PRKD1: variants seen among roughly 807,000 people sequenced by gnomAD.
The protein encoded by PRKD1 is serine/threonine-protein kinase D1.
In PRKD1, 63 loss-of-function variants were observed where a neutral mutation model predicts 95.9. The ratio of observed to expected loss-of-function variants is 0.66; its 90% CI spans 0.54 to 0.81. The LOEUF (loss-of-function observed/expected upper bound fraction) is 0.81. Among genes scored for constraint, PRKD1 ranks in the 30% least tolerant of loss-of-function variants. PRKD1 has a pLI of 0.00. For missense variants in PRKD1, 1,048 were observed against 1,165.3 expected (o/e 0.90, Z 1.47); for synonymous variants, 425 against 423.1 (o/e 1.00, Z -0.05).
intron 1 of PRKD1, among the ~76,000 whole-genome samples, chr14:29,783,075 C>T (rs995270154): frequency 1.3e-5 from 2 of 152,170 alleles, no homozygotes; most frequent in African/African-American, 4.8e-5. Flanking sequence ...AGTCATCCTA[C>T]TGTGCTACTG....
At chr14:29,621,388 C>G (rs1879255492) in intron 13 of PRKD1, among the ~76,000 whole-genome samples, 1 of 151,860 alleles carries the variant, frequency 6.6e-6, no homozygotes, top group Non-Finnish European at 1.5e-5. Context: ...CTCTCCCTCT[C>G]TTTCTCTCTC....
rs547507142 is a variant in PRKD1, at chr14:29,828,617, TC to T, written c.264+98631del. ...ATTCTCTGTCTCTGAATGTACACAT[TC>T]ATAAAGAAATTCAACAGATAAAAGA... On this transcript the variant is annotated intron_variant, in intron 1 of 17. Transcript: ENST00000331968. 1.4e-4 allele frequency among the ~76,000 whole-genome samples: 21 copies of T among 152,264 alleles called. 1 individual carries two copies. The South Asian group carries it at 4.3e-3, about 32-fold the overall frequency.
At chr14:29,848,258 A>T (rs1261331084) in intron 1 of PRKD1, among the ~76,000 whole-genome samples, 1 of 152,054 alleles carries the variant, frequency 6.6e-6, no homozygotes, top group Non-Finnish European at 1.5e-5. Context: ...GATCAAAAAG[A>T]TGCAAAAGGT....
chr14:29,927,477 C>T lies in PRKD1; in HGVS notation c.36G>A (p.Pro12=), dbSNP rs554027103. The change falls in exon 1 of 18, where the codon CCG becomes CCA. Residue 12 remains proline (P), a synonymous_variant. Transcript: ENST00000331968. The part of the protein sequence containing the change: ...SAPPVLRPPS[P]LLPVAAAAAA... ...CAGCTGCCGCCGCCACGGGCAGCAGCGGACTGGGCGGCCGCAGGACCGGAG... is the reference window on the plus strand; with the variant it reads ...CAGCTGCCGCCGCCACGGGCAGCAGTGGACTGGGCGGCCGCAGGACCGGAG... 1.0e-4 allele frequency: 126 copies of T among 1,252,414 alleles called. 1 individual carries two copies. In the African/African-American group the frequency reaches 1.7e-3, roughly 17 times the overall value. 77.6% of individuals were successfully genotyped at this position (1,252,414 alleles called of 1,614,324 possible). A position where few individuals can be genotyped will look rare whatever the true frequency, so the allele number is the denominator to read the frequency against.
Position 29,666,181 on chromosome 14 carries a change from A to G in PRKD1, c.431T>C (p.Ile144Thr). 6.3e-7 allele frequency: 1 copy of G among 1,599,196 alleles called. No individual in the cohort carries two copies. Among genetic ancestry groups the G allele is most frequent in the Non-Finnish European group, 8.5e-7 (1 of 1,169,678 alleles). Residue 144 changes from isoleucine (I) to threonine (T), a missense_variant, in exon 3 of 18, where the codon ATT (isoleucine) becomes ACT (threonine). Ile to Thr is a moderately conservative substitution (Grantham distance 89). Around this residue, in one of 3 missense-constraint regions of PRKD1, gnomAD observed 275 missense variants for 248.6 expected, o/e 1.11. Transcript: ENST00000331968. ...ATGAACAAAGAGAGCGTGGGGACGA[A>G]TCTGAAAGTCTTCAAAGGTGGCGGA... ...SASATFEDFQ[I>T]RPHALFVHSY...
At chr14:29,606,449 T>C (rs1893707093) in intron 13 of PRKD1, among the ~76,000 whole-genome samples, 1 of 152,204 alleles carries the variant, frequency 6.6e-6, no homozygotes, top group Non-Finnish European at 1.5e-5. Flanking sequence ...TACAACCCCC[T>C]CAAAATCTAC....
At chr14:29,881,671 T>C (rs1005418849) in intron 1 of PRKD1, among the ~76,000 whole-genome samples, 2 of 152,192 alleles carry the variant, frequency 1.3e-5, no homozygotes, top group African/African-American at 2.4e-5. Context: ...AGGTTCCAGT[T>C]TGGGGACCTC....
chr14:29,834,648 T>C (rs1891542288), intron 1 of PRKD1, among the ~76,000 whole-genome samples: 1 of 152,128 alleles, frequency 6.6e-6, no homozygotes, highest in Non-Finnish European at 1.5e-5. Context: ...ATATTAGTGT[T>C]ATTGATCTTG....
Position 29,577,347 on chromosome 14 carries a change from CCCTGCTCG to C in PRKD1, c.2622_2629del (p.Glu875AlafsTer13). The C allele has an allele frequency of 6.2e-7, 1 of 1,613,778 alleles. No homozygotes were observed. Among genetic ancestry groups the C allele is most frequent in the Non-Finnish European group, 8.5e-7 (1 of 1,179,822 alleles). ...GATCAGGTGTGTGGGGTACTGCAGCCCCTGCTCGCCTGCATACTTCTCCCACCTCAGGT... is the reference window on the plus strand; with the variant it reads ...GATCAGGTGTGTGGGGTACTGCAGCCCCTGCATACTTCTCCCACCTCAGGT... On this transcript the variant is annotated frameshift_variant, in exon 18 of 18. Coordinates refer to ENST00000331968, the MANE Select transcript of PRKD1 (RefSeq NM_002742.3). LOFTEE classifies it high-confidence loss of function.
intron 2 of PRKD1, among the ~76,000 whole-genome samples, chr14:29,712,317 A>C (rs760677516): frequency 5.3e-5 from 8 of 152,086 alleles, no homozygotes; most frequent in Non-Finnish European, 1.2e-4. Flanking sequence ...TTCTCCACAC[A>C]GCTCTACATG....
intron 1 of PRKD1, among the ~76,000 whole-genome samples, chr14:29,742,688 G>A (rs1292806318): frequency 2.0e-5 from 3 of 152,120 alleles, no homozygotes; most frequent in African/African-American, 7.2e-5. Flanking sequence ...TGAGTATCAA[G>A]GTAAAATGTT....
At chr14:29,689,518 TTAG>T (rs745518966) in intron 2 of PRKD1, among the ~76,000 whole-genome samples, 1 of 152,140 alleles carries the variant, frequency 6.6e-6, no homozygotes, top group African/African-American at 2.4e-5. Context: ...TTTTACACTA[TTAG>T]TAGAAATATA....
chr14:29,750,739 T>C (rs1195467235), intron 1 of PRKD1, among the ~76,000 whole-genome samples: 1 of 152,100 alleles, frequency 6.6e-6, no homozygotes, highest in Non-Finnish European at 1.5e-5. Context: ...AAAATTCACA[T>C]AGACAGTGGT....
Position 29,776,874 on chromosome 14 carries a change from A to G in PRKD1, c.265-51200T>C, listed in dbSNP as rs187615301. ...CACCAAAGTTGAAATGAAGGAAAAA[A>G]TGTTAAGGGCAGCCAGAGAGAAAGG... On this transcript the variant is annotated intron_variant, in intron 1 of 17. Transcript: ENST00000331968. 7.1e-3 allele frequency among the ~76,000 whole-genome samples: 1,077 copies of G among 152,338 alleles called. 15 individuals are homozygous for G. The highest frequency in any genetic ancestry group is 0.024 in the African/African-American group (996 of 41,576).
At chr14:29,730,969 T>G (rs553779404) in intron 1 of PRKD1, among the ~76,000 whole-genome samples, 1 of 152,200 alleles carries the variant, frequency 6.6e-6, no homozygotes. Context: ...TTATATTGTA[T>G]TTTTGAAAGT....
At chr14:29,851,770 C>T (rs1892316273) in intron 1 of PRKD1, among the ~76,000 whole-genome samples, 1 of 151,654 alleles carries the variant, frequency 6.6e-6, no homozygotes, top group African/African-American at 2.4e-5. Flanking sequence ...ACCAAAAAGA[C>T]ACATACACTT....
chr14:29,890,750 C>A (rs1300045964), intron 1 of PRKD1, among the ~76,000 whole-genome samples: 1 of 152,078 alleles, frequency 6.6e-6, no homozygotes, highest in Non-Finnish European at 1.5e-5. Flanking sequence ...GCATGAAGTA[C>A]AAACACAGAA....
intron 1 of PRKD1, among the ~76,000 whole-genome samples, chr14:29,890,617 T>C (rs1366819383): frequency 6.6e-6 from 1 of 152,190 alleles, no homozygotes; most frequent in East Asian, 1.9e-4. Flanking sequence ...TCTCTGGCCT[T>C]TCTCTTTTTT....
chr14:29,656,459 G>C, intron 4 of PRKD1: 1 of 1,531,726 alleles, frequency 6.5e-7, no homozygotes, highest in South Asian at 1.2e-5. Context: ...CTAGCACCAG[G>C]TAGCATTAGT....
Sources: allele counts gnomAD v4.1 joint callset (sites outside exome capture counted in the v4.1 genomes callset), GRCh38; gene constraint gnomAD v4.1.1; regional missense constraint gnomAD v4.1.1; transcripts MANE v1.5; gene names NCBI Gene and HGNC (gene_info 2026-07-23, HGNC 2026-07-21).